The following FNBP1L variants were observed in gnomAD, a reference collection of about 807,000 sequenced individuals.
FNBP1L encodes the protein formin binding protein 1 like.
FNBP1L carries 36 observed loss-of-function variants against 91.2 expected under a neutral mutation model. The ratio of observed to expected loss-of-function variants is 0.39; its 90% confidence interval spans 0.30 to 0.52. The LOEUF is 0.52. Ranked by LOEUF, FNBP1L falls within the 20% of genes least tolerant of loss-of-function variation. The pLI is 0.66. For missense variants in FNBP1L, 571 were observed against 732.1 expected (o/e 0.78, Z 2.54); for synonymous variants, 242 against 237.0 (o/e 1.02, Z -0.19).
At chr1:93,511,195 C>T (rs1275297283) in intron 2 of FNBP1L, among the ~76,000 whole-genome samples, 1 of 152,180 alleles carries the variant, frequency 6.6e-6, no homozygotes, top group African/African-American at 2.4e-5. Context: ...ATGTTAAGGG[C>T]AGCCAGAGAG....
At chr1:93,542,443 GAAAAAAAAAAAAAA>G (rs61650755) in intron 11 of FNBP1L, among the ~76,000 whole-genome samples, 2 of 82,544 alleles carry the variant, frequency 2.4e-5, no homozygotes, top group Admixed American at 3.2e-4. Flanking sequence ...ATTGGTAAAT[GAAAAAAAAAAAAAA>G]AAAAAAAAAG....
intron 1 of FNBP1L, among the ~76,000 whole-genome samples, chr1:93,482,354 A>AT (rs1378086415): frequency 6.6e-6 from 1 of 152,220 alleles, no homozygotes. Context: ...GCAAAAAGAA[A>AT]TCATTCTTTT....
intron 1 of FNBP1L, among the ~76,000 whole-genome samples, chr1:93,475,593 TCACATGCATGTA>T (rs1420487100): frequency 6.6e-6 from 1 of 152,082 alleles, no homozygotes; most frequent in African/African-American, 2.4e-5. Flanking sequence ...TCAGTACACA[TCACATGCATGTA>T]ATAAAGAGAT....
At chr1:93,491,224 C>T (rs976126910) in intron 1 of FNBP1L, among the ~76,000 whole-genome samples, 10 of 152,122 alleles carry the variant, frequency 6.6e-5, no homozygotes, top group Admixed American at 2.0e-4. Context: ...GGATTACAGG[C>T]GTGAGCCACC....
At chr1:93,503,951 A>C (rs1471912231) in intron 2 of FNBP1L, among the ~76,000 whole-genome samples, 1 of 152,076 alleles carries the variant, frequency 6.6e-6, no homozygotes, top group Non-Finnish European at 1.5e-5. Flanking sequence ...AGCATACATA[A>C]ATTTTTGGTT....
intron 14 of FNBP1L, among the ~76,000 whole-genome samples, chr1:93,548,978 A>G (rs1456516787): frequency 6.6e-6 from 1 of 152,178 alleles, no homozygotes; most frequent in Non-Finnish European, 1.5e-5. Flanking sequence ...ACAAGGGTCT[A>G]GAACGTTTTT....
intron 1 of FNBP1L, among the ~76,000 whole-genome samples, chr1:93,467,083 C>T (rs919998865): frequency 6.6e-6 from 1 of 152,194 alleles, no homozygotes; most frequent in African/African-American, 2.4e-5. Context: ...TCTTGAACTC[C>T]TGACCTCAAG....
At chr1:93,474,750 C>T (rs1337872763) in intron 1 of FNBP1L, among the ~76,000 whole-genome samples, 1 of 152,154 alleles carries the variant, frequency 6.6e-6, no homozygotes, top group Non-Finnish European at 1.5e-5. Context: ...TGAGATGAAG[C>T]TAGAGAGATG....
chr1:93,472,811 CAAAAAAAAAAAAAAAAAA>C lies in FNBP1L; in HGVS notation c.24+24526_24+24543del, dbSNP rs57548632. On this transcript the variant is annotated intron_variant, in intron 1 of 16. Coordinates refer to ENST00000271234, the MANE Select transcript of FNBP1L (RefSeq NM_001164473.3). ...TGGGCGACAGAGCAAGACTCCATCT[CAAAAAAAAAAAAAAAAAA>C]AAAAAAAAAAAAAAAAAAATCCTAA... Among the ~76,000 whole-genome samples the C allele has an allele frequency of 3.8e-4, 18 of 46,882 alleles. No homozygotes were observed. In the South Asian group the frequency reaches 0.012, roughly 32 times the overall value. 30.8% of individuals were successfully genotyped at this position (46,882 alleles called of 152,430 possible). A position where few individuals can be genotyped will look rare whatever the true frequency, so the allele number is the denominator to read the frequency against.
At chr1:93,538,813 A>G (rs1464709764) in intron 10 of FNBP1L, among the ~76,000 whole-genome samples, 1 of 152,120 alleles carries the variant, frequency 6.6e-6, no homozygotes, top group African/African-American at 2.4e-5. Flanking sequence ...TATTTGCTGC[A>G]CATTGCTTTT....
At chr1:93,547,547 G>A in intron 14 of FNBP1L, 106 bp downstream of exon 14, 1 of 905,354 alleles carries the variant, frequency 1.1e-6, no homozygotes, top group Non-Finnish European at 1.7e-6. Context: ...AACAAGTTAA[G>A]CTTTTAGTAA....
At chr1:93,501,056 C>A (rs1670427408) in intron 2 of FNBP1L, among the ~76,000 whole-genome samples, 1 of 152,002 alleles carries the variant, frequency 6.6e-6, no homozygotes, top group Admixed American at 6.6e-5. Context: ...ATAGCAGCTA[C>A]CAGATGTATT....
chr1:93,522,689 G>T (rs796839818), intron 3 of FNBP1L, among the ~76,000 whole-genome samples: 44 of 152,240 alleles, frequency 2.9e-4, no homozygotes, highest in African/African-American at 9.6e-4. Flanking sequence ...GGATTCTCAG[G>T]TTTAGTGTTA....
rs1570883400 is a variant in FNBP1L at position 93,552,607 on chromosome 1, A to C, written c.*191A>C. 2 of 489,236 alleles carry C rather than the reference A, an allele frequency of 4.1e-6. No individual in the cohort carries two copies. Among genetic ancestry groups the C allele is most frequent in the East Asian group, 6.5e-5 (2 of 30,820 alleles). The allele number at this position is 489,236 out of a possible 1,614,324, so 30.3% of individuals were successfully genotyped here. ...ATTGTTTTTAAAAATCATAATACCA[A>C]CCCTTAAGTTCCTAGTTCACAGTTA... On this transcript the variant is annotated 3_prime_UTR_variant, in exon 17 of 17. Transcript: ENST00000271234.
chr1:93,512,302 G>A (rs1670884053), intron 2 of FNBP1L, among the ~76,000 whole-genome samples: 1 of 151,850 alleles, frequency 6.6e-6, no homozygotes. Flanking sequence ...AAGAGACTTA[G>A]ACTCCCACAC....
intron 5 of FNBP1L, among the ~76,000 whole-genome samples, chr1:93,525,935 C>A (rs976934968): frequency 1.3e-5 from 2 of 152,254 alleles, no homozygotes; most frequent in South Asian, 2.1e-4. Flanking sequence ...GTGTAGGATT[C>A]TATTTCCTAG....
Position 93,468,172 on chromosome 1 carries a change from C to T in FNBP1L, c.24+19867C>T, listed in dbSNP as rs1159785689. 2.6e-5 allele frequency among the ~76,000 whole-genome samples: 4 copies of T among 152,168 alleles called. No homozygotes were observed. In the East Asian group the frequency reaches 7.7e-4, roughly 29 times the overall value. On this transcript the variant is annotated intron_variant, in intron 1 of 16. Transcript: ENST00000271234. ...TCCTGTCTCAACAGATTTACCTATT[C>T]TGGACATTTCATATAAATGGAATTA...
In FNBP1L at chr1:93,530,781, G is replaced by A. The variant is rs746242198; in HGVS notation, c.537G>A (p.Thr179=). 2.5e-6 allele frequency: 4 copies of A among 1,593,322 alleles called. No individual in the cohort carries two copies. The highest frequency in any genetic ancestry group is 3.4e-6 in the Non-Finnish European group (4 of 1,168,642). ...CCAAACAGCAGTTGAATCTGCGTACGCATATGGCCGATGAAAATAAAAATG... is the reference window on the plus strand; with the variant it reads ...CCAAACAGCAGTTGAATCTGCGTACACATATGGCCGATGAAAATAAAAATG... ...EKAKQQLNLR[T]HMADENKNEY... is the part of the protein sequence containing the mutation. Residue 179 remains threonine, a synonymous_variant, in exon 7 of 17, where the codon ACG becomes ACA. Transcript: ENST00000271234.
chr1:93,464,724 T>G (rs12073717), intron 1 of FNBP1L, among the ~76,000 whole-genome samples: 3,653 of 152,296 alleles, frequency 0.024, 151 homozygotes, highest in African/African-American at 0.083. Flanking sequence ...TATTAAATTA[T>G]TACCTAATAA....
Sources: gnomAD v4.1 joint callset for allele counts (sites outside exome capture counted in the v4.1 genomes callset) on GRCh38, gnomAD v4.1.1 for gene constraint, MANE v1.5 for transcripts, NCBI Gene and HGNC (gene_info 2026-07-23, HGNC 2026-07-21) for gene names.